The following PSTPIP1 variants were observed in gnomAD, a reference collection of about 807,000 sequenced individuals.
PSTPIP1 encodes the protein proline-serine-threonine phosphatase-interacting protein 1.
PSTPIP1 carries 66 observed loss-of-function variants against 69.6 expected under a neutral mutation model. The observed-to-expected ratio is 0.95, with a 90% CI of 0.78 to 1.16. The LOEUF is 1.16. PSTPIP1 is among the 50% of genes most tolerant of loss of function. The pLI is 0.00. For missense variants in PSTPIP1, 603 were observed against 557.4 expected (o/e 1.08, Z -0.82); for synonymous variants, 266 against 222.7 (o/e 1.19, Z -1.73).
At position 77,027,311 on chromosome 15, in the gene PSTPIP1, CAG is replaced by C. The variant is rs902489768; in HGVS notation, c.355-540_355-539del. 8.5e-5 allele frequency among the ~76,000 whole-genome samples: 13 copies of C among 152,306 alleles called. No homozygotes were observed. Among genetic ancestry groups the C allele is most frequent in the African/African-American group, 3.1e-4 (13 of 41,574 alleles). On this transcript the variant is annotated intron_variant, in intron 5 of 14. Transcript: ENST00000558012. The surrounding 1 kb of genome is among the most constrained non-coding windows in gnomAD (Gnocchi z 4.3). The stretch of plus-strand genomic sequence containing the variant: ...GAGGCTTTGGCCCCAGACCTCGGCA[CAG>C]GGGCCCAGTGGCCACTGTGCCTGCA...
intron 1 of PSTPIP1, among the ~76,000 whole-genome samples, chr15:76,998,850 G>A (rs191849553): frequency 4.6e-5 from 7 of 152,324 alleles, no homozygotes; most frequent in East Asian, 3.9e-4. Flanking sequence ...GCACGCTGCT[G>A]TAGGAGTGAG....
rs367556424 is a variant in PSTPIP1 at position 77,027,306 on chromosome 15, C to T, written c.355-546C>T. ...GAGGGGAGGCTTTGGCCCCAGACCT[C>T]GGCACAGGGGCCCAGTGGCCACTGT... On this transcript the variant is annotated intron_variant, in intron 5 of 14. Coordinates refer to ENST00000558012, the MANE Select transcript of PSTPIP1 (RefSeq NM_003978.5). The surrounding 1 kb of genome is among the most constrained non-coding windows in gnomAD (Gnocchi z 4.3). Among the ~76,000 whole-genome samples, 4 of 152,192 alleles carry T rather than the reference C, an allele frequency of 2.6e-5. No homozygotes were observed. The East Asian group carries it at 5.8e-4, about 22-fold the overall frequency.
chr15:77,020,866 TGTG>T (rs1437635852), intron 3 of PSTPIP1, among the ~76,000 whole-genome samples: 1 of 10,268 alleles, frequency 9.7e-5, no homozygotes, highest in African/African-American at 2.6e-4. Flanking sequence ...CTTAGACTCC[TGTG>T]GGGGGGGGGG....
At chr15:77,014,579 G>A (rs1177972741) in intron 1 of PSTPIP1, among the ~76,000 whole-genome samples, 2 of 152,376 alleles carry the variant, frequency 1.3e-5, no homozygotes, top group Admixed American at 6.5e-5. Context: ...GTCCTGAGAA[G>A]TAAAGTGGCT....
rs575585236 is a variant in PSTPIP1, at chr15:77,031,354, C to T, written c.741+76C>T. ...GCAAAGCACCCAGGTCCATCTGAGCCGGTCAACAAGCACCTGGTCCTCTGT... is the reference window on the plus strand; with the variant it reads ...GCAAAGCACCCAGGTCCATCTGAGCTGGTCAACAAGCACCTGGTCCTCTGT... On this transcript the variant is annotated intron_variant, in intron 10 of 14. Transcript: ENST00000558012. The T allele has an allele frequency of 4.6e-5, 68 of 1,471,206 alleles. No homozygotes were observed. In the Admixed American group the frequency reaches 8.4e-4, roughly 18 times the overall value. The allele number at this position is 1,471,206 out of a possible 1,614,324, so 91.1% of individuals were successfully genotyped here.
chr15:77,032,924 A>C lies in PSTPIP1; in HGVS notation c.901A>C (p.Ile301Leu), dbSNP rs779332305. The C allele has an allele frequency of 1.9e-6, 3 of 1,605,650 alleles. No individual in the cohort carries two copies. The highest frequency in any genetic ancestry group is 2.5e-6 in the Non-Finnish European group (3 of 1,176,602). The change falls in exon 12 of 15, where the codon ATA becomes CTA. Residue 301 changes from isoleucine (I) to leucine (L), a missense_variant. Coordinates refer to ENST00000558012, the MANE Select transcript of PSTPIP1 (RefSeq NM_003978.5). ...CACCCCGCTGACCAGCAGCCCTGGC[A>C]TACAGCCGTCCTGCGGCATGATAAA... ...EVTPLTSSPGIQPSCGMIKRF... is the reference protein window; with the variant it reads ...EVTPLTSSPGLQPSCGMIKRF...
At chr15:77,015,810 C>A in intron 1 of PSTPIP1, 2 of 409,744 alleles carry the variant, frequency 4.9e-6, no homozygotes, top group South Asian at 1.7e-5. Context: ...GAGAGTCAGG[C>A]ACTTCCTCGG....
At chr15:77,017,511 A>ACAGAGGGAGAT (rs1442936583) in intron 1 of PSTPIP1, among the ~76,000 whole-genome samples, 3 of 151,848 alleles carry the variant, frequency 2.0e-5, no homozygotes, top group Non-Finnish European at 4.4e-5. Flanking sequence ...CTCCATGCCC[A>ACAGAGGGAGAT]CCTCCCTGGA....
chr15:77,026,750 C>A (rs562711438), intron 5 of PSTPIP1, among the ~76,000 whole-genome samples: 4 of 152,368 alleles, frequency 2.6e-5, no homozygotes, highest in African/African-American at 9.6e-5. Context: ...CCCCAGAAGC[C>A]AGCCCAGGCT....
intron 3 of PSTPIP1, among the ~76,000 whole-genome samples, chr15:77,021,000 C>T (rs1316271404): frequency 6.6e-6 from 1 of 152,298 alleles, no homozygotes; most frequent in South Asian, 2.1e-4. Flanking sequence ...CCCACAGCTG[C>T]CCCCCAGGTC....
In PSTPIP1 at chr15:77,028,610, C is replaced by T. The variant is rs527354872; in HGVS notation, c.474C>T (p.Phe158=). 4.7e-5 allele frequency: 75 copies of T among 1,597,714 alleles called. No individual in the cohort carries two copies. The South Asian group carries it at 7.9e-4, about 17-fold the overall frequency. The part of the protein sequence containing the change: ...CRDADDAEQA[F]ERISANGHQK... ...ACGCGGACGACGCGGAGCAGGCCTT[C>T]GAGCGCATTAGCGCCAACGGCCACC... Residue 158 remains phenylalanine, a synonymous_variant, in exon 7 of 15, where the codon TTC becomes TTT. Coordinates refer to ENST00000558012, the MANE Select transcript of PSTPIP1 (RefSeq NM_003978.5).
intron 12 of PSTPIP1, among the ~76,000 whole-genome samples, chr15:77,035,246 G>A (rs1197950671): frequency 6.6e-6 from 1 of 152,200 alleles, no homozygotes; most frequent in Non-Finnish European, 1.5e-5. Flanking sequence ...GGGCCCTGCA[G>A]GGAGCAGGTG....
At chr15:77,005,336 A>G (rs2075795111) in intron 1 of PSTPIP1, among the ~76,000 whole-genome samples, 1 of 151,202 alleles carries the variant, frequency 6.6e-6, no homozygotes, top group African/African-American at 2.4e-5. Context: ...CAGTGAGCCA[A>G]GATTGTGCCA....
At chr15:77,003,447 G>A (rs1208993559) in intron 1 of PSTPIP1, among the ~76,000 whole-genome samples, 1 of 152,056 alleles carries the variant, frequency 6.6e-6, no homozygotes, top group East Asian at 1.9e-4. Flanking sequence ...TGAGGTCAGG[G>A]GTTCGAGACC....
chr15:77,028,451 C>T (rs972029748), intron 6 of PSTPIP1, 103 bp from the exon 7 acceptor site: 12 of 1,030,522 alleles, frequency 1.2e-5, no homozygotes, highest in East Asian at 5.6e-5. Flanking sequence ...CCACCCGCAA[C>T]CCTCGCCAGG....
intron 1 of PSTPIP1, among the ~76,000 whole-genome samples, chr15:77,012,137 CCA>C: frequency 1.6e-5 from 2 of 121,978 alleles, no homozygotes; most frequent in African/African-American, 3.3e-5. Flanking sequence ...ATCCATCCAT[CCA>C]TCCATCCATC....
intron 1 of PSTPIP1, among the ~76,000 whole-genome samples, chr15:77,002,150 A>G (rs2075721978): frequency 6.6e-6 from 1 of 152,194 alleles, no homozygotes; most frequent in African/African-American, 2.4e-5. Context: ...CCCCAAACGC[A>G]TTGTCAGTGT....
intron 12 of PSTPIP1, 99 bp from the exon 13 acceptor site, chr15:77,035,409 G>A (rs753802611): frequency 2.3e-5 from 28 of 1,232,196 alleles, no homozygotes; most frequent in African/African-American, 4.5e-5. Context: ...CTGGCAGAGC[G>A]CGTGCAGCTC....
rs200363654 is a variant in PSTPIP1 at position 77,037,146 on chromosome 15, C to T, written c.1221C>T (p.Phe407=). The T allele has an allele frequency of 5.6e-5, 91 of 1,611,332 alleles. No homozygotes were observed. Among genetic ancestry groups the T allele is most frequent in the East Asian group, 2.2e-4 (10 of 44,860 alleles). ...TGGAGAGGAACGGGCAGCGTGGCTT[C>T]GTCCCTGGTTCCTACCTGGAGAAGC... The part of the protein sequence containing the change: ...WTVERNGQRG[F]VPGSYLEKL The change falls in exon 15 of 15, where the codon TTC becomes TTT. Residue 407 remains phenylalanine (F), a synonymous_variant. Coordinates refer to ENST00000558012, the MANE Select transcript of PSTPIP1 (RefSeq NM_003978.5).
Sources: gnomAD v4.1 joint callset for allele counts (sites outside exome capture counted in the v4.1 genomes callset) on GRCh38, gnomAD v4.1.1 for gene constraint, Gnocchi (gnomAD v3.1) non-coding constraint, MANE v1.5 for transcripts, NCBI Gene and HGNC (gene_info 2026-07-23, HGNC 2026-07-21) for gene names.